The following CANX variants were observed in gnomAD, a reference collection of about 807,000 sequenced individuals.
CANX encodes epididymis secretory sperm binding protein.
A neutral mutation model predicts 75.7 loss-of-function variants in CANX; 14 were observed. The observed-to-expected ratio is 0.19, with a 90% confidence interval of 0.12 to 0.29. The LOEUF (loss-of-function observed/expected upper bound fraction) is 0.29, where lower values mean the gene tolerates loss of function less well. Ranked by LOEUF, CANX falls within the 10% of genes least tolerant of loss-of-function variation. CANX has a pLI of 1.00. For synonymous variants in CANX, 227 were observed against 236.9 expected (o/e 0.96, Z 0.38); for missense variants, 567 against 713.2 (o/e 0.79, Z 2.34).
chr5:179,679,312 C>T (rs1405676914), intron 1 of CANX: 3 of 1,425,986 alleles, frequency 2.1e-6, no homozygotes, highest in South Asian at 2.8e-5. Context: ...TACAGGCCGC[C>T]TCTCAAACCG....
intron 6 of CANX, 85 bp downstream of exon 6, chr5:179,709,144 C>T (rs781474570): frequency 4.5e-5 from 36 of 799,062 alleles, no homozygotes; most frequent in Non-Finnish European, 6.9e-5. Flanking sequence ...TGCAGTGGCT[C>T]ACGCCTGTAA....
At chr5:179,719,839 T>G (rs950342983) in intron 9 of CANX, 58 bp downstream of exon 9, 16 of 939,108 alleles carry the variant, frequency 1.7e-5, no homozygotes, top group Non-Finnish European at 1.7e-6. Flanking sequence ...TTTTTTTTTT[T>G]GAGATGGAGT....
chr5:179,723,803 T>A, intron 12 of CANX, 24 bp downstream of exon 12: 1 of 1,575,158 alleles, frequency 6.3e-7, no homozygotes, highest in Non-Finnish European at 8.6e-7. Context: ...TTTTTTAGAA[T>A]CAATTTTAGA....
In CANX at chr5:179,684,926, A is replaced by G. The variant is rs75496329; in HGVS notation, c.-4+6149A>G. Among the ~76,000 whole-genome samples the G allele has an allele frequency of 1.6e-4, 8 of 49,148 alleles. No individual in the cohort carries two copies. In the Admixed American group the frequency reaches 2.3e-3, roughly 14 times the overall value. 32.2% of individuals were successfully genotyped at this position (49,148 alleles called of 152,430 possible). On this transcript the variant is annotated intron_variant, in intron 1 of 14. Transcript: ENST00000681674. ...TGCCACCACACCTGGCTAATTTTGT[A>G]TTTTTTTTTTTTTTTTTTTTTTTTT...
At chr5:179,688,328 C>T (rs956885408) in intron 1 of CANX, among the ~76,000 whole-genome samples, 2 of 146,796 alleles carry the variant, frequency 1.4e-5, no homozygotes, top group Admixed American at 6.9e-5. Flanking sequence ...GCTGGGATTA[C>T]GAGCGTGAGC....
rs149265423 is a variant in CANX at position 179,720,431 on chromosome 5, G to A, written c.1053G>A (p.Glu351=). 6.8e-6 allele frequency: 11 copies of A among 1,613,980 alleles called. No homozygotes were observed. The highest frequency in any genetic ancestry group is 9.3e-6 in the Non-Finnish European group (11 of 1,179,856). The part of the protein sequence containing the change: ...DWDEDMDGEW[E]APQIANPRCE... ...ATGAAGACATGGATGGAGAATGGGA[G>A]GCTCCTCAGATTGCCAACCCTAGAT... Residue 351 remains glutamate, a synonymous_variant, in exon 10 of 15, where the codon GAG becomes GAA. Transcript: ENST00000247461.
Position 179,730,394 on chromosome 5 carries a change from T to C in CANX, c.*1750T>C, listed in dbSNP as rs1778923877. On this transcript the variant is annotated 3_prime_UTR_variant, in exon 15 of 15. Transcript: ENST00000247461. ...GTTCTGTGGTCACAGTGACCTTAGCTACATAGCAGACTTTCCCAAATGTAT... is the reference window on the plus strand; with the variant it reads ...GTTCTGTGGTCACAGTGACCTTAGCCACATAGCAGACTTTCCCAAATGTAT... The C allele has an allele frequency of 6.6e-6, 1 of 152,264 alleles. No individual in the cohort carries two copies. The highest frequency in any genetic ancestry group is 2.4e-5 in the African/African-American group (1 of 41,462). 9.4% of individuals were successfully genotyped at this position (152,264 alleles called of 1,614,324 possible).
At chr5:179,710,994 T>C (rs1777514914) in intron 7 of CANX, among the ~76,000 whole-genome samples, 1 of 152,030 alleles carries the variant, frequency 6.6e-6, no homozygotes, top group Admixed American at 6.6e-5. Context: ...AGGCAGAGGT[T>C]GCAGTTGAGT....
chr5:179,700,727 G>A (rs1402720725), intron 1 of CANX, among the ~76,000 whole-genome samples: 5 of 152,310 alleles, frequency 3.3e-5, no homozygotes, highest in African/African-American at 1.2e-4. Flanking sequence ...CGTTGCTGCC[G>A]TTTTGGCAAT....
upstream of CANX, chr5:179,698,950 G>A (rs1776525983): frequency 9.8e-6 from 11 of 1,118,154 alleles, no homozygotes; most frequent in Non-Finnish European, 1.2e-5. Flanking sequence ...TCGTGCGGTG[G>A]GGCTCGCTCG....
At position 179,730,188 on chromosome 5, in the gene CANX, T is replaced by G. The variant is rs1778911622; in HGVS notation, c.*1544T>G. 1 of 152,668 alleles carries G rather than the reference T, an allele frequency of 6.6e-6. No homozygotes were observed. The highest frequency in any genetic ancestry group is 1.9e-4 in the East Asian group (1 of 5,208). The allele number at this position is 152,668 out of a possible 1,614,324, so 9.5% of individuals were successfully genotyped here. On this transcript the variant is annotated 3_prime_UTR_variant, in exon 15 of 15. Transcript: ENST00000247461. ...CAAATGTACCGATGATACTGTTTCTTGCACTGAATATATAAACACTCCACA... is the reference window on the plus strand; with the variant it reads ...CAAATGTACCGATGATACTGTTTCTGGCACTGAATATATAAACACTCCACA...
chr5:179,713,624 A>G lies in CANX; in HGVS notation c.722-2481A>G, dbSNP rs1777728141. On this transcript the variant is annotated intron_variant, in intron 7 of 14. Coordinates refer to ENST00000247461, the MANE Select transcript of CANX (RefSeq NM_001746.4). Reference sequence around the variant, plus strand: ...ATTGTACTGTTCCCAATACAAAGAAAAAGTAAATGGAGCCAGGTGCAGTGG... The same window carrying G: ...ATTGTACTGTTCCCAATACAAAGAAGAAGTAAATGGAGCCAGGTGCAGTGG... 2.6e-5 allele frequency among the ~76,000 whole-genome samples: 4 copies of G among 152,144 alleles called. No homozygotes were observed. The South Asian group carries it at 8.3e-4, about 32-fold the overall frequency.
chr5:179,722,344 T>G (rs150388020), intron 10 of CANX, among the ~76,000 whole-genome samples: 15 of 152,380 alleles, frequency 9.8e-5, no homozygotes, highest in Admixed American at 8.5e-4. Context: ...CACTTTTGCT[T>G]TCAGAGTCAC....
chr5:179,705,027 C>G (rs569164311), intron 1 of CANX, among the ~76,000 whole-genome samples: 21 of 152,006 alleles, frequency 1.4e-4, no homozygotes, highest in Middle Eastern at 3.4e-3. Context: ...AACTCTTGCT[C>G]TGTCACGCAG....
intron 1 of CANX, among the ~76,000 whole-genome samples, chr5:179,688,670 G>A (rs1431339203): frequency 6.6e-6 from 1 of 150,694 alleles, no homozygotes; most frequent in Non-Finnish European, 1.5e-5. Flanking sequence ...GCCGCCTAAG[G>A]TCAATTTTCA....
At chr5:179,718,342 C>T (rs1695897662) in intron 8 of CANX, among the ~76,000 whole-genome samples, 1 of 151,728 alleles carries the variant, frequency 6.6e-6, no homozygotes, top group Admixed American at 6.6e-5. Context: ...GCACTCGTGC[C>T]TCACCCTCCA....
chr5:179,696,908 G>C (rs1018795550), upstream of CANX, among the ~76,000 whole-genome samples: 2 of 151,738 alleles, frequency 1.3e-5, no homozygotes, highest in Admixed American at 1.3e-4. Flanking sequence ...TTTTCCAACA[G>C]CACGTACTCA....
In CANX at chr5:179,709,896, T is replaced by G; in HGVS notation, c.552T>G (p.Pro184=). The change falls in exon 7 of 15, where the codon CCT becomes CCG. Residue 184 remains proline (P), a synonymous_variant. Coordinates refer to ENST00000247461, the MANE Select transcript of CANX (RefSeq NM_001746.4). ...AGGATCAGTTCCATGACAAGACCCC[T>G]TATACGATTATGTTTGGTCCAGATA... ...LNLDQFHDKT[P]YTIMFGPDKC... The G allele has an allele frequency of 6.2e-7, 1 of 1,604,830 alleles. No individual in the cohort carries two copies. Among genetic ancestry groups the G allele is most frequent in the Non-Finnish European group, 8.5e-7 (1 of 1,177,040 alleles).
At position 179,716,209 on chromosome 5, in the gene CANX, A is replaced by C. The variant is rs1339245777; in HGVS notation, c.826A>C (p.Ile276Leu). The change falls in exon 8 of 15, where the codon ATT becomes CTT. Residue 276 changes from isoleucine (I) to leucine (L), a missense_variant. Ile to Leu is a conservative substitution (Grantham distance 5). Coordinates refer to ENST00000247461, the MANE Select transcript of CANX (RefSeq NM_001746.4). ...MTPPVNPSRE[I>L]EDPEDRKPED... Reference sequence around the variant, plus strand: ...TCCTCCTGTAAATCCTTCACGTGAAATTGAGGACCCAGAAGACCGGAAGCC... The same window carrying C: ...TCCTCCTGTAAATCCTTCACGTGAACTTGAGGACCCAGAAGACCGGAAGCC... 1 of 1,614,054 alleles carries C rather than the reference A, an allele frequency of 6.2e-7. No individual in the cohort carries two copies.
Sources: gnomAD v4.1 joint callset for allele counts (sites outside exome capture counted in the v4.1 genomes callset) on GRCh38, gnomAD v4.1.1 for gene constraint, MANE v1.5 for transcripts, NCBI Gene and HGNC (gene_info 2026-07-23, HGNC 2026-07-21) for gene names.